Variants in RXFP1 observed in about 807,000 individuals in gnomAD.
RXFP1 encodes the protein relaxin receptor 1.
RXFP1 carries 73 observed loss-of-function variants against 89.8 expected under a neutral mutation model. That is an observed-to-expected ratio of 0.81 (90% CI 0.67 to 0.99). RXFP1 has a LOEUF of 0.99. Among genes scored for constraint, RXFP1 ranks in the 50% least tolerant of loss-of-function variants. RXFP1 has a pLI of 0.00. For missense variants in RXFP1, 793 were observed against 895.5 expected, an observed-to-expected ratio of 0.89 and a Z score of 1.46; for synonymous variants, 277 against 305.5, an observed-to-expected ratio of 0.91 and a Z score of 0.97.
Position 158,639,270 on chromosome 4 carries a change from G to C in RXFP1, c.1054G>C (p.Gly352Arg), listed in dbSNP as rs751091154. 2 of 1,544,778 alleles carry C rather than the reference G, an allele frequency of 1.3e-6. No homozygotes were observed. The highest frequency in any genetic ancestry group is 1.8e-6 in the Non-Finnish European group (2 of 1,117,260). The part of the protein sequence containing the change: ...LVKLKSLSLE[G>R]IEISNIQQRM... ...ATTTGATATTTTTAGCAGCCTAGAA[G>C]GGATTGAAATTTCAAATATCCAACA... The change falls in exon 14 of 18, where the codon GGG becomes CGG. Residue 352 changes from glycine (G) to arginine (R), a missense_variant. Gly to Arg is a moderately radical substitution (Grantham distance 125). Coordinates refer to ENST00000307765, the MANE Select transcript of RXFP1 (RefSeq NM_021634.4).
chr4:158,550,405 G>T (rs1473620823), intron 1 of RXFP1, among the ~76,000 whole-genome samples: 1 of 152,264 alleles, frequency 6.6e-6, no homozygotes, highest in African/African-American at 2.4e-5. Flanking sequence ...CTTCCCGTGT[G>T]AGGCAATGCC....
chr4:158,628,616 G>A, intron 10 of RXFP1, 22 bp from the exon 11 acceptor site: 1 of 1,215,282 alleles, frequency 8.2e-7, no homozygotes, highest in Middle Eastern at 2.0e-4. Flanking sequence ...AAGTTACAAT[G>A]TATTTTTCTT....
chr4:158,562,807 A>G (rs1449414355), intron 1 of RXFP1, among the ~76,000 whole-genome samples: 1 of 152,068 alleles, frequency 6.6e-6, no homozygotes, highest in African/African-American at 2.4e-5. Flanking sequence ...CTTTGCCCTT[A>G]TGCTCAAGGA....
intron 12 of RXFP1, among the ~76,000 whole-genome samples, chr4:158,634,664 CT>C (rs1168032103): frequency 5.9e-5 from 9 of 152,022 alleles, no homozygotes; most frequent in Non-Finnish European, 1.3e-4. Flanking sequence ...TAGTTTTTAG[CT>C]TTAATATTTA....
At chr4:158,627,944 G>A (rs897478176) in intron 10 of RXFP1, among the ~76,000 whole-genome samples, 1 of 152,142 alleles carries the variant, frequency 6.6e-6, no homozygotes, top group African/African-American at 2.4e-5. Context: ...TTTCCTCTTG[G>A]CAGGTGTTGT....
intron 8 of RXFP1, 86 bp downstream of exon 8, chr4:158,612,448 G>A: frequency 3.0e-6 from 3 of 993,922 alleles, no homozygotes; most frequent in South Asian, 3.4e-5. Context: ...CATTAAATTT[G>A]GATTTGTTAA....
chr4:158,572,795 T>G lies in RXFP1; in HGVS notation c.147T>G (p.Gly49=), dbSNP rs368783436. Reference sequence around the variant, plus strand: ...TGCCTCAGCTCCTGCACTGTAACGGTGTGGACGACTGCGGGAATCAGGCCG... The same window carrying G: ...TGCCTCAGCTCCTGCACTGTAACGGGGTGGACGACTGCGGGAATCAGGCCG... The part of the protein sequence containing the change: ...KCLPQLLHCN[G]VDDCGNQADE... Residue 49 remains glycine, a synonymous_variant, in exon 2 of 18, where the codon GGT becomes GGG. Coordinates refer to ENST00000307765, the MANE Select transcript of RXFP1 (RefSeq NM_021634.4). The G allele has an allele frequency of 6.2e-7, 1 of 1,614,028 alleles. No homozygotes were observed. The highest frequency in any genetic ancestry group is 1.3e-5 in the African/African-American group (1 of 74,916).
At chr4:158,556,647 G>A (rs1751376438) in intron 1 of RXFP1, among the ~76,000 whole-genome samples, 1 of 152,116 alleles carries the variant, frequency 6.6e-6, no homozygotes, top group Admixed American at 6.5e-5. Context: ...AATAACCAGG[G>A]TGAGGAATCA....
At chr4:158,637,908 C>T (rs929512636) in intron 12 of RXFP1, 100 bp from the exon 13 acceptor site, 14 of 710,386 alleles carry the variant, frequency 2.0e-5, no homozygotes, top group South Asian at 6.4e-5. Context: ...TGTATACTTT[C>T]GTTCATAAAT....
At chr4:158,640,634 C>G (rs1166264092) in intron 14 of RXFP1, among the ~76,000 whole-genome samples, 5 of 152,106 alleles carry the variant, frequency 3.3e-5, no homozygotes, top group Non-Finnish European at 7.4e-5. Flanking sequence ...GGGATCTACC[C>G]CATGACCCAA....
intron 13 of RXFP1, among the ~76,000 whole-genome samples, chr4:158,639,048 GA>G (rs1399446974): frequency 2.0e-5 from 3 of 152,054 alleles, no homozygotes; most frequent in African/African-American, 4.8e-5. Context: ...GTGAGGATCT[GA>G]AAAAAATCAA....
At chr4:158,562,342 G>A (rs1184622538) in intron 1 of RXFP1, among the ~76,000 whole-genome samples, 1 of 151,056 alleles carries the variant, frequency 6.6e-6, no homozygotes, top group Admixed American at 6.6e-5. Context: ...GGCTAAAACG[G>A]TGAAACCCCG....
intron 14 of RXFP1, 109 bp downstream of exon 14, chr4:158,639,440 A>G (rs924946827): frequency 1.8e-5 from 12 of 675,676 alleles, no homozygotes; most frequent in Non-Finnish European, 2.6e-5. Flanking sequence ...GCCAGCTATA[A>G]ACTGAAAGTT....
intron 2 of RXFP1, among the ~76,000 whole-genome samples, chr4:158,586,874 G>T (rs889632938): frequency 6.6e-6 from 1 of 151,876 alleles, no homozygotes; most frequent in South Asian, 2.1e-4. Context: ...TTTAAGCATG[G>T]CATTATCTAT....
intron 1 of RXFP1, among the ~76,000 whole-genome samples, chr4:158,542,833 A>G (rs1747156159): frequency 6.6e-6 from 1 of 152,110 alleles, no homozygotes; most frequent in Non-Finnish European, 1.5e-5. Context: ...GAAAGGCATC[A>G]TAGGTGCAAC....
chr4:158,534,768 G>A (rs1038785677), intron 1 of RXFP1, among the ~76,000 whole-genome samples: 5 of 151,274 alleles, frequency 3.3e-5, no homozygotes, highest in Non-Finnish European at 4.4e-5. Flanking sequence ...TCCAGAACTC[G>A]AACTCAAGCT....
intron 1 of RXFP1, among the ~76,000 whole-genome samples, chr4:158,545,446 T>G (rs962077646): frequency 4.6e-5 from 7 of 152,232 alleles, no homozygotes; most frequent in African/African-American, 1.7e-4. Flanking sequence ...AGAAGCTCTT[T>G]AGTTTAATTA....
chr4:158,545,112 G>A (rs1160310366), intron 1 of RXFP1, among the ~76,000 whole-genome samples: 1 of 151,170 alleles, frequency 6.6e-6, no homozygotes, highest in African/African-American at 2.4e-5. Flanking sequence ...AGCACCTGTT[G>A]TTTCCTGACT....
chr4:158,628,794 GA>G (rs1196940331), intron 11 of RXFP1, 85 bp downstream of exon 11: 1 of 609,922 alleles, frequency 1.6e-6, no homozygotes, highest in Non-Finnish European at 2.7e-6. Context: ...ATACATTTAA[GA>G]AATATTACTT....
Sources: allele counts gnomAD v4.1 joint callset (sites outside exome capture counted in the v4.1 genomes callset), GRCh38; gene constraint gnomAD v4.1.1; transcripts MANE v1.5; gene names NCBI Gene and HGNC (gene_info 2026-07-23, HGNC 2026-07-21).